SSU72: variants seen among roughly 807,000 people sequenced by gnomAD.
SSU72 encodes the protein SSU72 homolog, RNA polymerase II CTD phosphatase.
A neutral mutation model predicts 22.7 loss-of-function variants in SSU72; 12 were observed. That is an observed-to-expected ratio of 0.53 (90% CI 0.34 to 0.86). SSU72 has a LOEUF of 0.86. Among genes scored for constraint, SSU72 ranks in the 40% least tolerant of loss-of-function variants. The probability of loss-of-function intolerance (pLI) is 0.02; values close to 1 mark genes in which losing one functional copy is unlikely to be tolerated. For synonymous variants in SSU72, 116 were observed against 98.3 expected (o/e 1.18, Z -1.06); for missense variants, 151 against 249.8 (o/e 0.60, Z 2.67).
chr1:1,572,880 G>C (rs1044658966), intron 1 of SSU72, among the ~76,000 whole-genome samples: 2 of 124,874 alleles, frequency 1.6e-5, no homozygotes, highest in Admixed American at 8.5e-5. Flanking sequence ...TTTGTCTTGG[G>C]GGGGGGGGGG....
chr1:1,561,440 G>T (rs145365884), intron 2 of SSU72: 2 of 152,250 alleles, frequency 1.3e-5, no homozygotes, highest in East Asian at 3.9e-4. Flanking sequence ...TCTTTGGGCC[G>T]CATCTTGAAC....
intron 1 of SSU72, among the ~76,000 whole-genome samples, chr1:1,566,648 C>G (rs1050275875): frequency 6.6e-6 from 1 of 152,112 alleles, no homozygotes; most frequent in Admixed American, 6.6e-5. Context: ...GTCAGGAGAT[C>G]AAGACCAGCC....
intron 1 of SSU72, among the ~76,000 whole-genome samples, chr1:1,573,515 G>A (rs1642766028): frequency 6.6e-6 from 1 of 151,764 alleles, no homozygotes; most frequent in Non-Finnish European, 1.5e-5. Context: ...ACTGATTTTT[G>A]GGGGGTGTTT....
intron 2 of SSU72, among the ~76,000 whole-genome samples, chr1:1,553,507 G>A (rs1234464359): frequency 3.3e-5 from 5 of 151,438 alleles, no homozygotes; most frequent in Non-Finnish European, 5.9e-5. Flanking sequence ...CAGGCGCAGC[G>A]GCTCATGCCT....
intron 2 of SSU72, among the ~76,000 whole-genome samples, chr1:1,559,429 G>T (rs778038250): frequency 3.3e-5 from 5 of 152,184 alleles, no homozygotes; most frequent in Non-Finnish European, 7.3e-5. Flanking sequence ...ACGCGACTCA[G>T]GGAAGTGCAT....
At chr1:1,550,903 GGCA>G (rs972027004) in intron 2 of SSU72, among the ~76,000 whole-genome samples, 1 of 152,086 alleles carries the variant, frequency 6.6e-6, no homozygotes, top group African/African-American at 2.4e-5. Context: ...CAGACCCTGG[GGCA>G]TCTCGTGGTC....
Position 1,564,431 on chromosome 1 carries a change from CG to C in SSU72, c.224+341del, listed in dbSNP as rs1642633233. ...GCACACCAACCTGCAAAGGAAATAA[CG>C]GGGCAGCCCTGCAGTGTGAAAAGCA... On this transcript the variant is annotated intron_variant, in intron 2 of 4. Coordinates refer to ENST00000291386, the MANE Select transcript of SSU72 (RefSeq NM_014188.3). 2.1e-6 allele frequency: 3 copies of C among 1,443,666 alleles called. No individual in the cohort carries two copies. The East Asian group carries it at 7.5e-5, about 36-fold the overall frequency. The allele number at this position is 1,443,666 out of a possible 1,614,324, so 89.4% of individuals were successfully genotyped here.
chr1:1,542,001 A>T lies in SSU72; in HGVS notation c.*65T>A. The T allele has an allele frequency of 6.8e-7, 1 of 1,473,810 alleles. No individual in the cohort carries two copies. The highest frequency in any genetic ancestry group is 1.4e-5 in the African/African-American group (1 of 71,510). 91.3% of individuals were successfully genotyped at this position (1,473,810 alleles called of 1,614,324 possible). A position where few individuals can be genotyped will look rare whatever the true frequency, so the allele number is the denominator to read the frequency against. On this transcript the variant is annotated 3_prime_UTR_variant, in exon 5 of 5. Coordinates refer to ENST00000291386, the MANE Select transcript of SSU72 (RefSeq NM_014188.3). The surrounding 1 kb of genome is among the most constrained non-coding windows in gnomAD (Gnocchi z 4.4). The stretch of plus-strand genomic sequence containing the variant: ...GCAGAACACCTGTAAGTAAAAACAA[A>T]TGTCAGGAAGGAAAAAGTATGAACA...
intron 2 of SSU72, among the ~76,000 whole-genome samples, chr1:1,553,791 C>CA (rs33931848): frequency 0.011 from 1,178 of 106,120 alleles, 17 homozygotes; most frequent in African/African-American, 0.032. Context: ...GACTCCGTCT[C>CA]AAAAAAAAAA....
intron 1 of SSU72, among the ~76,000 whole-genome samples, chr1:1,573,656 A>G (rs1212825075): frequency 6.6e-6 from 1 of 152,114 alleles, no homozygotes; most frequent in East Asian, 1.9e-4. Context: ...GGGGACTGTT[A>G]ATTTTCCCAA....
intron 1 of SSU72, among the ~76,000 whole-genome samples, chr1:1,569,310 C>A: frequency 6.6e-6 from 1 of 152,282 alleles, no homozygotes; most frequent in South Asian, 2.1e-4. Context: ...TGGAAACGTA[C>A]GGCGGAGTCT....
chr1:1,572,881 G>T lies in SSU72; in HGVS notation c.80+1597C>A, dbSNP rs540964613. On this transcript the variant is annotated intron_variant, in intron 1 of 4. Coordinates refer to ENST00000291386, the MANE Select transcript of SSU72 (RefSeq NM_014188.3). ...CAATTAACAATAATTTTGTCTTGGG[G>T]GGGGGGGGGTGAGCCTTGCATTGTT... Among the ~76,000 whole-genome samples the T allele has an allele frequency of 4.2e-4, 60 of 144,254 alleles. 3 individuals carry two copies. Among genetic ancestry groups the T allele is most frequent in the Non-Finnish European group, 2.3e-4 (15 of 66,612 alleles). 94.6% of individuals were successfully genotyped at this position (144,254 alleles called of 152,430 possible).
At chr1:1,555,600 G>A (rs574923611) in intron 2 of SSU72, among the ~76,000 whole-genome samples, 7 of 152,364 alleles carry the variant, frequency 4.6e-5, no homozygotes, top group South Asian at 2.1e-4. Flanking sequence ...ACACCGACAC[G>A]GCTGTGCACA....
intron 1 of SSU72, among the ~76,000 whole-genome samples, chr1:1,574,038 G>C (rs895876586): frequency 2.0e-5 from 3 of 148,282 alleles, no homozygotes; most frequent in Non-Finnish European, 4.4e-5. Context: ...AAAAAAAGAA[G>C]AAGAAGTAGC....
At chr1:1,573,474 A>T (rs1642765062) in intron 1 of SSU72, among the ~76,000 whole-genome samples, 1 of 150,786 alleles carries the variant, frequency 6.6e-6, no homozygotes, top group Non-Finnish European at 1.5e-5. Context: ...AAGAATAAAG[A>T]GAAAGAATCA....
rs1276440889 is a variant in SSU72 at position 1,544,987 on chromosome 1, C to G, written c.240G>C (p.Gly80=). The G allele has an allele frequency of 6.2e-7, 1 of 1,614,126 alleles. No individual in the cohort carries two copies. Among genetic ancestry groups the G allele is most frequent in the East Asian group, 2.2e-5 (1 of 44,890 alleles). The change falls in exon 3 of 5, where the codon GGG becomes GGC. Residue 80 remains glycine, a synonymous_variant. Coordinates refer to ENST00000291386, the MANE Select transcript of SSU72 (RefSeq NM_014188.3). ...TATTTCTGTCCAGCATATGTAAAAT[C>G]CCATTCTGTGTATAGCTACACATGG... is the stretch of plus-strand genomic sequence containing the variant. ...RKDKELYTQN[G]ILHMLDRNKR... is the part of the protein sequence containing the mutation.
At chr1:1,555,631 G>A (rs890324263) in intron 2 of SSU72, among the ~76,000 whole-genome samples, 10 of 152,218 alleles carry the variant, frequency 6.6e-5, no homozygotes, top group African/African-American at 1.9e-4. Flanking sequence ...CTGGGCTCCC[G>A]GGATGGACTG....
rs1399980459 is a variant in SSU72 at position 1,554,799 on chromosome 1, C to T, written c.225-9797G>A. Among the ~76,000 whole-genome samples, 2 of 152,186 alleles carry T rather than the reference C, an allele frequency of 1.3e-5. No individual in the cohort carries two copies. The highest frequency in any genetic ancestry group is 3.9e-4 in the East Asian group (2 of 5,188). Reference sequence around the variant, plus strand: ...GCACTGGAGCCACGAAAGCAACAGCCCTGGGCAGCCCAGCACCATCCTGGG... The same window carrying T: ...GCACTGGAGCCACGAAAGCAACAGCTCTGGGCAGCCCAGCACCATCCTGGG... On this transcript the variant is annotated intron_variant, in intron 2 of 4. Transcript: ENST00000291386. This position sits in a 1 kb window ranked among gnomAD's most constrained non-coding sequence, Gnocchi z 4.1.
At chr1:1,559,163 A>G (rs998758942) in intron 2 of SSU72, among the ~76,000 whole-genome samples, 5 of 152,216 alleles carry the variant, frequency 3.3e-5, no homozygotes, top group African/African-American at 1.2e-4. Context: ...GGACTTAGAA[A>G]TAGTTCCACG....
Sources: gnomAD v4.1 joint callset for allele counts (sites outside exome capture counted in the v4.1 genomes callset) on GRCh38, gnomAD v4.1.1 for gene constraint, Gnocchi (gnomAD v3.1) non-coding constraint, MANE v1.5 for transcripts, NCBI Gene and HGNC (gene_info 2026-07-23, HGNC 2026-07-21) for gene names.